The following ZNF385B variants were observed in gnomAD, a reference collection of about 807,000 sequenced individuals.
ZNF385B encodes the protein zinc finger protein 385B.
In ZNF385B, 23 loss-of-function variants were observed where a neutral mutation model predicts 39.2. The observed-to-expected ratio is 0.59, with a 90% CI of 0.42 to 0.83. The LOEUF (loss-of-function observed/expected upper bound fraction) is 0.83, where lower values mean the gene tolerates loss of function less well. Ranked by LOEUF, ZNF385B falls within the 40% of genes least tolerant of loss-of-function variation. ZNF385B has a pLI of 0.00. For synonymous variants in ZNF385B, 205 were observed against 222.6 expected (o/e 0.92, Z 0.70); for missense variants, 552 against 598.9 (o/e 0.92, Z 0.82).
At chr2:179,674,708 A>G (rs1215369013) in intron 3 of ZNF385B, among the ~76,000 whole-genome samples, 1 of 152,144 alleles carries the variant, frequency 6.6e-6, no homozygotes, top group Non-Finnish European at 1.5e-5. Flanking sequence ...TTATGTTACC[A>G]TTACTGCATT....
chr2:179,699,776 G>C (rs138389129), intron 3 of ZNF385B, among the ~76,000 whole-genome samples: 2 of 152,308 alleles, frequency 1.3e-5, no homozygotes, highest in African/African-American at 4.8e-5. Context: ...TCTGTTGGCG[G>C]TTGATGGCAT....
At chr2:179,809,624 G>A (rs1706610401) in intron 1 of ZNF385B, among the ~76,000 whole-genome samples, 1 of 151,982 alleles carries the variant, frequency 6.6e-6, no homozygotes, top group Non-Finnish European at 1.5e-5. Context: ...TATGACATCT[G>A]GAAGTATCAT....
intron 3 of ZNF385B, among the ~76,000 whole-genome samples, chr2:179,687,098 T>C (rs1697982032): frequency 6.6e-6 from 1 of 151,774 alleles, no homozygotes; most frequent in Non-Finnish European, 1.5e-5. Context: ...TTCCTTACCT[T>C]CTACTCTGAT....
chr2:179,843,793 G>A (rs1195232139), intron 1 of ZNF385B, among the ~76,000 whole-genome samples: 2 of 152,196 alleles, frequency 1.3e-5, no homozygotes, highest in Admixed American at 6.5e-5. Context: ...TCAACATACA[G>A]GCAGGGCCTG....
chr2:179,523,873 C>T (rs1406883259), intron 4 of ZNF385B, among the ~76,000 whole-genome samples: 4 of 152,152 alleles, frequency 2.6e-5, no homozygotes, highest in Non-Finnish European at 5.9e-5. Context: ...GCCTTAAACT[C>T]ATAGGATCAA....
At chr2:179,568,142 C>A (rs1190879840) in intron 3 of ZNF385B, among the ~76,000 whole-genome samples, 4 of 152,168 alleles carry the variant, frequency 2.6e-5, no homozygotes, top group Non-Finnish European at 5.9e-5. Context: ...AGCGTCCTTC[C>A]TCTCTCTTTC....
intron 1 of ZNF385B, among the ~76,000 whole-genome samples, chr2:179,839,874 A>G (rs1466368260): frequency 6.6e-6 from 1 of 152,168 alleles, no homozygotes; most frequent in African/African-American, 2.4e-5. Context: ...CACAGCCATG[A>G]TGTGGTGCCC....
At chr2:179,719,451 C>G (rs1474701672) in intron 3 of ZNF385B, among the ~76,000 whole-genome samples, 1 of 152,180 alleles carries the variant, frequency 6.6e-6, no homozygotes, top group East Asian at 1.9e-4. Context: ...ACATTTTACA[C>G]TATGTTTTCC....
At chr2:179,855,320 T>C (rs923722229) in intron 1 of ZNF385B, among the ~76,000 whole-genome samples, 3 of 152,254 alleles carry the variant, frequency 2.0e-5, no homozygotes, top group Non-Finnish European at 2.9e-5. Context: ...AACTCAGAAA[T>C]GTAAATGCTT....
intron 1 of ZNF385B, among the ~76,000 whole-genome samples, chr2:179,856,835 C>T (rs1346347031): frequency 6.6e-6 from 1 of 152,148 alleles, no homozygotes; most frequent in African/African-American, 2.4e-5. Flanking sequence ...CATTCAGCTT[C>T]AGAAAGCATA....
intron 4 of ZNF385B, among the ~76,000 whole-genome samples, chr2:179,529,816 C>T (rs1001559830): frequency 1.3e-5 from 2 of 152,142 alleles, no homozygotes; most frequent in African/African-American, 4.8e-5. Context: ...ACAATAAACT[C>T]TATCACCCAA....
At chr2:179,763,945 T>C (rs890345662) in intron 3 of ZNF385B, among the ~76,000 whole-genome samples, 1 of 152,198 alleles carries the variant, frequency 6.6e-6, no homozygotes, top group Non-Finnish European at 1.5e-5. Context: ...TATACTGTTA[T>C]TGAGTAGAGG....
At chr2:179,773,897 T>C (rs1195743711) in intron 1 of ZNF385B, among the ~76,000 whole-genome samples, 2 of 152,236 alleles carry the variant, frequency 1.3e-5, no homozygotes, top group African/African-American at 4.8e-5. Flanking sequence ...TCTAAGATTG[T>C]GTTTTGTATA....
At chr2:179,509,241 C>A (rs2057481369) in intron 5 of ZNF385B, among the ~76,000 whole-genome samples, 2 of 151,758 alleles carry the variant, frequency 1.3e-5, no homozygotes. Context: ...TCTTTTTTTT[C>A]ATTGATAAGT....
chr2:179,563,038 A>G (rs969885445), intron 3 of ZNF385B, among the ~76,000 whole-genome samples: 2 of 152,202 alleles, frequency 1.3e-5, no homozygotes, highest in African/African-American at 4.8e-5. Flanking sequence ...TAGGTTTTAA[A>G]TAAAGATTCA....
chr2:179,769,824 A>G (rs915938336), intron 2 of ZNF385B, 22 bp from the exon 3 acceptor site: 4 of 1,567,800 alleles, frequency 2.6e-6, no homozygotes, highest in Non-Finnish European at 3.5e-6. Context: ...AACAAGTACA[A>G]GTGCTTCTGA....
At chr2:179,843,708 C>A (rs1260592518) in intron 1 of ZNF385B, among the ~76,000 whole-genome samples, 1 of 152,212 alleles carries the variant, frequency 6.6e-6, no homozygotes, top group East Asian at 1.9e-4. Context: ...CATCAGATCA[C>A]CTCCTTTTCT....
intron 4 of ZNF385B, among the ~76,000 whole-genome samples, chr2:179,521,612 A>G (rs1455488668): frequency 6.6e-6 from 1 of 152,082 alleles, no homozygotes. Context: ...GTTGAGACTG[A>G]GCACTCCAAA....
chr2:179,610,726 T>A (rs894954472), intron 3 of ZNF385B, among the ~76,000 whole-genome samples: 1 of 152,192 alleles, frequency 6.6e-6, no homozygotes, highest in African/African-American at 2.4e-5. Flanking sequence ...GTGTGTCTAC[T>A]CTTCAATGTT....
Sources: gnomAD v4.1 joint callset for allele counts (sites outside exome capture counted in the v4.1 genomes callset) on GRCh38, gnomAD v4.1.1 for gene constraint, MANE v1.5 for transcripts, NCBI Gene and HGNC (gene_info 2026-07-23, HGNC 2026-07-21) for gene names.